Variants in ZNF444 observed in about 807,000 individuals in gnomAD.
ZNF444 encodes the protein zinc finger protein 444.
In ZNF444, 8 loss-of-function variants were observed where a neutral mutation model predicts 14.4. The ratio of observed to expected loss-of-function variants is 0.56; its 90% CI spans 0.33 to 1.00. The LOEUF is 1.00. ZNF444 is among the 50% of genes least tolerant of loss of function. ZNF444 has a pLI of 0.03. For missense variants in ZNF444, 510 were observed against 504.8 expected (o/e 1.01, Z -0.10); for synonymous variants, 258 against 235.9 (o/e 1.09, Z -0.86).
At chr19:56,155,375 T>C (rs2031845255) in intron 3 of ZNF444, 1 of 152,334 alleles carries the variant, frequency 6.6e-6, no homozygotes, top group Non-Finnish European at 1.5e-5. Context: ...TGTGTAGATA[T>C]GCTGACCTTC....
intron 1 of ZNF444, chr19:56,143,563 TC>T (rs1450203188): frequency 6.6e-6 from 1 of 152,204 alleles, no homozygotes; most frequent in Non-Finnish European, 1.5e-5. Flanking sequence ...AAGTCCAGGC[TC>T]TGCCACGTGT....
Position 56,146,910 on chromosome 19 carries a change from C to A in ZNF444, c.-2C>A. The A allele has an allele frequency of 7.0e-7, 1 of 1,424,896 alleles. No homozygotes were observed. The highest frequency in any genetic ancestry group is 9.1e-7 in the Non-Finnish European group (1 of 1,099,186). 88.3% of individuals were successfully genotyped at this position (1,424,896 alleles called of 1,614,324 possible). A position where few individuals can be genotyped will look rare whatever the true frequency, so the allele number is the denominator to read the frequency against. Reference sequence around the variant, plus strand: ...TGCAGGCGCTGCGGTCCGGGAGGCCCCATGGAGGTGGCGGTGCCCGTGAAG... The same window carrying A: ...TGCAGGCGCTGCGGTCCGGGAGGCCACATGGAGGTGGCGGTGCCCGTGAAG... On this transcript the variant is annotated 5_prime_UTR_variant, in exon 3 of 5. Coordinates refer to ENST00000337080, the MANE Select transcript of ZNF444 (RefSeq NM_018337.4).
chr19:56,158,767 G>T (rs114313066), intron 4 of ZNF444, among the ~76,000 whole-genome samples, 165 bp downstream of exon 4: 1 of 152,038 alleles, frequency 6.6e-6, no homozygotes, highest in African/African-American at 2.4e-5. Context: ...GGGTATGGGT[G>T]GGCCTCGGGG....
At chr19:56,156,026 C>G (rs1020717995) in intron 3 of ZNF444, 1 of 152,234 alleles carries the variant, frequency 6.6e-6, no homozygotes, top group Non-Finnish European at 1.5e-5. Flanking sequence ...CTCCCACAGC[C>G]CTTCCTCTGG....
In ZNF444 at chr19:56,160,449, C is replaced by G. The variant is rs377592024; in HGVS notation, c.*248C>G. The G allele has an allele frequency of 4.1e-5, 19 of 466,858 alleles. No homozygotes were observed. The highest frequency in any genetic ancestry group is 1.5e-4 in the East Asian group (4 of 26,436). 28.9% of individuals were successfully genotyped at this position (466,858 alleles called of 1,614,324 possible). On this transcript the variant is annotated 3_prime_UTR_variant, in exon 5 of 5. Transcript: ENST00000337080. ...CTCCCTGATTTCTCGGCCTCTCTCT[C>G]TGTGTGAAGGGGCCTCTCCCTAATG...
At chr19:56,140,295 T>C (rs2030724981), upstream of ZNF444, among the ~76,000 whole-genome samples, 1 of 145,104 alleles carries the variant, frequency 6.9e-6, no homozygotes, top group Admixed American at 7.1e-5. Flanking sequence ...GTAGGGCTTG[T>C]ATGAGCCATA....
At chr19:56,137,587 T>G (rs967718376), upstream of ZNF444, among the ~76,000 whole-genome samples, 1 of 152,202 alleles carries the variant, frequency 6.6e-6, no homozygotes, top group Non-Finnish European at 1.5e-5. Flanking sequence ...TGCAGGCACC[T>G]GGCCAACCAG....
upstream of ZNF444, among the ~76,000 whole-genome samples, chr19:56,136,894 C>A (rs558707612): frequency 3.0e-4 from 45 of 152,148 alleles, no homozygotes; most frequent in African/African-American, 1.1e-3. Context: ...GATTCTCCCG[C>A]CTCAGCCTCC....
intron 1 of ZNF444, among the ~76,000 whole-genome samples, chr19:56,142,093 C>T (rs1249758916): frequency 6.6e-6 from 1 of 152,210 alleles, no homozygotes; most frequent in Non-Finnish European, 1.5e-5. Context: ...TCACCCTCCT[C>T]TATATCCGAT....
At chr19:56,158,457 T>G (rs2032041213) in intron 3 of ZNF444, 37 bp from the exon 4 acceptor site, 1 of 1,565,274 alleles carries the variant, frequency 6.4e-7, no homozygotes, top group East Asian at 2.3e-5. Context: ...AGGCCCTTGC[T>G]CAGGTTTCTG....
In ZNF444 at chr19:56,159,625, A is replaced by G. The variant is rs1164995964; in HGVS notation, c.408A>G (p.Ala136=). Residue 136 remains alanine (A), a splice_region_variant and synonymous_variant, in exon 5 of 5, where the codon GCA becomes GCG. Transcript: ENST00000337080. ...TGCTGACTCTCTTTCTTTTCCCAGCAGGCACCGCCCCTGGGGCTGAGGGGC... is the reference window on the plus strand; with the variant it reads ...TGCTGACTCTCTTTCTTTTCCCAGCGGGCACCGCCCCTGGGGCTGAGGGGC... ...GKEDSGMIPL[A]GTAPGAEGPA... is the part of the protein sequence containing the mutation. The G allele has an allele frequency of 7.7e-6, 11 of 1,432,674 alleles. No individual in the cohort carries two copies. In the East Asian group the frequency reaches 7.9e-5, roughly 10 times the overall value. 88.7% of individuals were successfully genotyped at this position (1,432,674 alleles called of 1,614,324 possible).
chr19:56,135,823 A>T (rs1411613817), intron 1 of ZNF444, among the ~76,000 whole-genome samples: 3 of 151,864 alleles, frequency 2.0e-5, no homozygotes, highest in Non-Finnish European at 2.9e-5. Flanking sequence ...TCACACTGGT[A>T]ATCCCAGCAC....
intron 3 of ZNF444, chr19:56,157,038 C>G (rs1022808518): frequency 1.3e-5 from 2 of 152,294 alleles, no homozygotes; most frequent in Non-Finnish European, 2.9e-5. Flanking sequence ...TGCCCTTGAG[C>G]TGAGGCCAGG....
At chr19:56,152,959 T>C (rs1161118351) in intron 3 of ZNF444, among the ~76,000 whole-genome samples, 1 of 152,236 alleles carries the variant, frequency 6.6e-6, no homozygotes, top group Non-Finnish European at 1.5e-5. Context: ...AGCAGTCTTC[T>C]GTCCATTTTC....
chr19:56,137,120 G>T (rs953795465), upstream of ZNF444, among the ~76,000 whole-genome samples: 1 of 151,724 alleles, frequency 6.6e-6, no homozygotes, highest in Non-Finnish European at 1.5e-5. Flanking sequence ...AGGTGATGTT[G>T]TGCAGCTGGT....
In ZNF444 at chr19:56,146,932, G is replaced by A. The variant is rs1012493975; in HGVS notation, c.21G>A (p.Val7=). MEVAVP[V]KQEAEGLALD... ...GCCCCATGGAGGTGGCGGTGCCCGTGAAGCAGGAGGCCGAGGGCCTGGCGC... is the reference window on the plus strand; with the variant it reads ...GCCCCATGGAGGTGGCGGTGCCCGTAAAGCAGGAGGCCGAGGGCCTGGCGC... The change falls in exon 3 of 5, where the codon GTG becomes GTA. Residue 7 remains valine, a synonymous_variant. Coordinates refer to ENST00000337080, the MANE Select transcript of ZNF444 (RefSeq NM_018337.4). 12 of 1,442,052 alleles carry A rather than the reference G, an allele frequency of 8.3e-6. No homozygotes were observed. The East Asian group carries it at 2.0e-4, about 24-fold the overall frequency. 89.3% of individuals were successfully genotyped at this position (1,442,052 alleles called of 1,614,324 possible). A position where few individuals can be genotyped will look rare whatever the true frequency, so the allele number is the denominator to read the frequency against.
intron 1 of ZNF444, chr19:56,142,151 G>A (rs1465517577): frequency 6.6e-6 from 1 of 152,212 alleles, no homozygotes; most frequent in Non-Finnish European, 1.5e-5. Flanking sequence ...CTGCGTGCGT[G>A]TTCATAGCAG....
intron 1 of ZNF444, among the ~76,000 whole-genome samples, chr19:56,135,202 G>T (rs1315861952): frequency 6.6e-6 from 1 of 152,270 alleles, no homozygotes; most frequent in East Asian, 1.9e-4. Context: ...CTGCACTCCA[G>T]CCTGGGTGAC....
At chr19:56,132,970 C>T (rs531168813) in intron 1 of ZNF444, among the ~76,000 whole-genome samples, 14 of 106,442 alleles carry the variant, frequency 1.3e-4, no homozygotes, top group African/African-American at 4.9e-4. Flanking sequence ...CAGAGTCTCA[C>T]ACTGTTGCCC....
Sources: allele counts gnomAD v4.1 joint callset (sites outside exome capture counted in the v4.1 genomes callset), GRCh38; gene constraint gnomAD v4.1.1; transcripts MANE v1.5; gene names NCBI Gene and HGNC (gene_info 2026-07-23, HGNC 2026-07-21).